PCNP: variants seen among roughly 807,000 people sequenced by gnomAD.
The protein encoded by PCNP is PEST proteolytic signal-containing nuclear protein.
A neutral mutation model predicts 21.8 loss-of-function variants in PCNP; 6 were observed. The observed-to-expected ratio is 0.28, with a 90% CI of 0.15 to 0.54. The LOEUF (loss-of-function observed/expected upper bound fraction) is 0.54. Among genes scored for constraint, PCNP ranks in the 20% least tolerant of loss-of-function variants. The probability of loss-of-function intolerance (pLI) is 0.95; values close to 1 mark genes in which losing one functional copy is unlikely to be tolerated. For missense variants in PCNP, 161 were observed against 215.5 expected, an observed-to-expected ratio of 0.75 and a Z score of 1.58; for synonymous variants, 67 against 73.2, an observed-to-expected ratio of 0.92 and a Z score of 0.43.
chr3:101,590,133 G>A, intron 3 of PCNP, 82 bp from the exon 4 acceptor site: 2 of 751,136 alleles, frequency 2.7e-6, no homozygotes, highest in Non-Finnish European at 4.6e-6. Flanking sequence ...AAAAGACTTA[G>A]ATATAAAATT....
intron 1 of PCNP, among the ~76,000 whole-genome samples, chr3:101,578,975 A>G (rs1304242667): frequency 2.0e-5 from 3 of 152,224 alleles, no homozygotes; most frequent in African/African-American, 7.2e-5. Context: ...AGAAAGTCAG[A>G]ATGTGAACTA....
rs1456560145 is a variant in PCNP, at chr3:101,594,073, A to G, written c.*1320A>G. The G allele has an allele frequency of 2.6e-5, 4 of 152,438 alleles. No homozygotes were observed. The highest frequency in any genetic ancestry group is 6.5e-5 in the Admixed American group (1 of 15,274). 9.4% of individuals were successfully genotyped at this position (152,438 alleles called of 1,614,324 possible). ...TTTGGAGGCAGCTTCAGACTGTTTT[A>G]TTGGTGGTAGCTGCTTGCTGAGGTC... On this transcript the variant is annotated 3_prime_UTR_variant, in exon 5 of 5. Transcript: ENST00000265260.
At position 101,576,868 on chromosome 3, in the gene PCNP, G is replaced by A. The variant is rs911811231; in HGVS notation, c.64+2589G>A. On this transcript the variant is annotated intron_variant, in intron 1 of 4. Coordinates refer to ENST00000265260, the MANE Select transcript of PCNP (RefSeq NM_020357.3). ...ACCCTTAATGGCAGTGATGGCAAAG[G>A]CTATTTTCCGCTGCCCATCGATGTT... The A allele has an allele frequency of 9.2e-5, 147 of 1,606,314 alleles. 1 individual carries two copies. The highest frequency in any genetic ancestry group is 2.1e-4 in the Middle Eastern group (1 of 4,848).
intron 1 of PCNP, among the ~76,000 whole-genome samples, chr3:101,574,563 G>A (rs1273226031): frequency 2.0e-5 from 3 of 152,216 alleles, no homozygotes; most frequent in African/African-American, 4.8e-5. Context: ...AAGGGAGACC[G>A]AACTCGGGGT....
rs543241783 is a variant in PCNP at position 101,594,167 on chromosome 3, A to G, written c.*1414A>G. 1 of 152,658 alleles carries G rather than the reference A, an allele frequency of 6.6e-6. No homozygotes were observed. Among genetic ancestry groups the G allele is most frequent in the South Asian group, 2.1e-4 (1 of 4,826 alleles). 9.5% of individuals were successfully genotyped at this position (152,658 alleles called of 1,614,324 possible). ...CTAACACTTTGTTCACTAGCATTTA[A>G]GTTTAGAATAAGCCCAAGTAAGACA... On this transcript the variant is annotated 3_prime_UTR_variant, in exon 5 of 5. Transcript: ENST00000265260.
intron 1 of PCNP, among the ~76,000 whole-genome samples, chr3:101,578,170 G>T (rs1437666161): frequency 1.3e-5 from 2 of 151,990 alleles, no homozygotes; most frequent in African/African-American, 4.8e-5. Flanking sequence ...CTGTTCCATT[G>T]TGTAGAGCCA....
chr3:101,576,339 A>G (rs1934884199), intron 1 of PCNP: 1 of 569,192 alleles, frequency 1.8e-6, no homozygotes, highest in East Asian at 3.1e-5. Context: ...GATTCAAGTG[A>G]TTTTCCTGCC....
chr3:101,591,327 T>G (rs972747872), intron 4 of PCNP, among the ~76,000 whole-genome samples: 1 of 152,222 alleles, frequency 6.6e-6, no homozygotes, highest in African/African-American at 2.4e-5. Context: ...ATGTCCCCAT[T>G]TCTTCCAAAT....
At chr3:101,576,784 C>T (rs1576604045) in intron 1 of PCNP, 2 of 1,611,542 alleles carry the variant, frequency 1.2e-6, no homozygotes, top group Non-Finnish European at 1.7e-6. Flanking sequence ...TTCTCCCGCC[C>T]TCTTGGTGAG....
chr3:101,583,727 A>C (rs545869833), intron 2 of PCNP, among the ~76,000 whole-genome samples: 1 of 152,102 alleles, frequency 6.6e-6, no homozygotes, highest in South Asian at 2.1e-4. Flanking sequence ...GGCTCACTGC[A>C]ACCTCTGCCT....
chr3:101,592,832 CTAT>C lies in PCNP; in HGVS notation c.*80_*82del. ...TCCTTTTTTAAAGAATGGTATAAGA[CTAT>C]CTTTGGAGCCGCTTTTTTTTTCTTT... On this transcript the variant is annotated 3_prime_UTR_variant, in exon 5 of 5. Transcript: ENST00000265260. 7.8e-7 allele frequency: 1 copy of C among 1,289,812 alleles called. No homozygotes were observed. The highest frequency in any genetic ancestry group is 1.0e-6 in the Non-Finnish European group (1 of 961,726). 79.9% of individuals were successfully genotyped at this position (1,289,812 alleles called of 1,614,324 possible).
chr3:101,574,736 C>G (rs1296380798), intron 1 of PCNP: 1 of 159,944 alleles, frequency 6.3e-6, no homozygotes, highest in East Asian at 1.8e-4. Context: ...CTGACGGTGC[C>G]GGCCTCTCAG....
At chr3:101,579,262 G>A (rs1935100859) in intron 1 of PCNP, among the ~76,000 whole-genome samples, 1 of 152,044 alleles carries the variant, frequency 6.6e-6, no homozygotes, top group African/African-American at 2.4e-5. Flanking sequence ...TGAGATGTAC[G>A]TGAGGAACAC....
At chr3:101,589,654 C>G (rs1254507678) in intron 3 of PCNP, 1 of 153,118 alleles carries the variant, frequency 6.5e-6, no homozygotes, top group African/African-American at 2.4e-5. Context: ...TCAGGTGATC[C>G]ACTCACCTCA....
At chr3:101,575,917 T>C (rs1934854191) in intron 1 of PCNP, among the ~76,000 whole-genome samples, 1 of 152,194 alleles carries the variant, frequency 6.6e-6, no homozygotes, top group African/African-American at 2.4e-5. Context: ...ATTATTATGG[T>C]CTTTTTCTTG....
chr3:101,576,321 G>A (rs1230642226), intron 1 of PCNP, among the ~76,000 whole-genome samples: 8 of 150,398 alleles, frequency 5.3e-5, no homozygotes, highest in Admixed American at 4.0e-4. Flanking sequence ...TGCAAACTCC[G>A]TCTCCCCGAT....
chr3:101,583,345 T>G (rs1329014459), intron 2 of PCNP, among the ~76,000 whole-genome samples: 1 of 152,064 alleles, frequency 6.6e-6, no homozygotes, highest in Non-Finnish European at 1.5e-5. Flanking sequence ...TCCCAGTTAC[T>G]TGGGAGGCTG....
At chr3:101,579,691 G>C (rs768358468) in intron 1 of PCNP, 99 bp from the exon 2 acceptor site, 1 of 824,388 alleles carries the variant, frequency 1.2e-6, no homozygotes, top group Admixed American at 1.8e-5. Flanking sequence ...GACAACTGCA[G>C]AGGTATCTTC....
In PCNP at chr3:101,592,677, G is replaced by A. The variant is rs1409420523; in HGVS notation, c.461G>A (p.Gly154Glu). 1 of 1,612,352 alleles carries A rather than the reference G, an allele frequency of 6.2e-7. No homozygotes were observed. Among genetic ancestry groups the A allele is most frequent in the Non-Finnish European group, 8.5e-7 (1 of 1,178,860 alleles). ...GPNSFNKGKH[G>E]FSDNQKLWER... ...AACTCCTTCAATAAAGGAAAGCATGGGTTTTCTGATAACCAGAAGCTGTGG... is the reference window on the plus strand; with the variant it reads ...AACTCCTTCAATAAAGGAAAGCATGAGTTTTCTGATAACCAGAAGCTGTGG... Residue 154 changes from glycine (G) to glutamate (E), a missense_variant, in exon 5 of 5, where the codon GGG becomes GAG. Gly to Glu is a moderately conservative substitution (Grantham distance 98, BLOSUM62 -2). Transcript: ENST00000265260.
Sources: gnomAD v4.1 joint callset for allele counts (sites outside exome capture counted in the v4.1 genomes callset) on GRCh38, gnomAD v4.1.1 for gene constraint, MANE v1.5 for transcripts, NCBI Gene and HGNC (gene_info 2026-07-23, HGNC 2026-07-21) for gene names.